Variants in NFIA observed in about 807,000 individuals in gnomAD.
NFIA encodes the protein nuclear factor 1 A-type.
A neutral mutation model predicts 62.8 loss-of-function variants in NFIA; 8 were observed. That is an observed-to-expected ratio of 0.13 (90% CI 0.07 to 0.23). The LOEUF is 0.23. NFIA is among the 10% of genes least tolerant of loss of function. The pLI is 1.00. For synonymous variants in NFIA, 235 were observed against 238.1 expected (o/e 0.99, Z 0.12); for missense variants, 410 against 642.1 (o/e 0.64, Z 3.91).
chr1:61,455,492 C>A lies in NFIA; in HGVS notation c.*172C>A. ...AACAGCAAGCATTATGGTCAAACAG[C>A]AAAGGCCATAACCTTTTGGGATTTT... On this transcript the variant is annotated 3_prime_UTR_variant, in exon 11 of 11. Transcript: ENST00000403491. The A allele has an allele frequency of 1.9e-6, 2 of 1,025,770 alleles. No individual in the cohort carries two copies. Among genetic ancestry groups the A allele is most frequent in the Admixed American group, 2.4e-5 (1 of 41,300 alleles). 63.5% of individuals were successfully genotyped at this position (1,025,770 alleles called of 1,614,324 possible). A position where few individuals can be genotyped will look rare whatever the true frequency, so the allele number is the denominator to read the frequency against.
chr1:61,134,622 T>C (rs1647148631), intron 2 of NFIA, among the ~76,000 whole-genome samples: 1 of 152,240 alleles, frequency 6.6e-6, no homozygotes, highest in South Asian at 2.1e-4. Flanking sequence ...TATTTATTAG[T>C]TGTTATTATG....
At position 61,432,219 on chromosome 1, in the gene NFIA, A is replaced by ATTT. The variant is rs10719480; in HGVS notation, c.1512+5678_1512+5680dup. ...ATATGGTTCTTGTACACTTTTCCCT[A>ATTT]TTTTTTTTTTTTTTTTTGCCAATCA... On this transcript the variant is annotated intron_variant, in intron 10 of 10. Coordinates refer to ENST00000403491, the MANE Select transcript of NFIA (RefSeq NM_001134673.4). 7.8e-5 allele frequency among the ~76,000 whole-genome samples: 10 copies of ATTT among 129,020 alleles called. No homozygotes were observed. The East Asian group carries it at 9.1e-4, about 12-fold the overall frequency. The allele number at this position is 129,020 out of a possible 152,430, so 84.6% of individuals were successfully genotyped here.
chr1:61,359,400 CT>C (rs1197748046), intron 6 of NFIA, 126 bp downstream of exon 6: 1 of 1,363,188 alleles, frequency 7.3e-7, no homozygotes, highest in Admixed American at 2.2e-5. Flanking sequence ...AGGATGAGCA[CT>C]TGTTTGTATT....
chr1:61,428,498 A>G (rs956004774), intron 10 of NFIA, among the ~76,000 whole-genome samples: 1 of 151,698 alleles, frequency 6.6e-6, no homozygotes, highest in African/African-American at 2.4e-5. Context: ...GTCATTCCCA[A>G]TTGTCTAATG....
intron 4 of NFIA, 72 bp from the exon 5 acceptor site, chr1:61,352,378 C>A: frequency 9.7e-7 from 1 of 1,033,708 alleles, no homozygotes; most frequent in Non-Finnish European, 1.5e-6. Context: ...CTAAATGCAA[C>A]ACTGAGGATG....
At chr1:61,241,781 C>T (rs1235879835) in intron 2 of NFIA, among the ~76,000 whole-genome samples, 6 of 152,038 alleles carry the variant, frequency 3.9e-5, no homozygotes, top group Non-Finnish European at 8.8e-5. Context: ...GTAGTCACCA[C>T]GTACTACTTG....
chr1:61,377,759 G>A (rs952627739), intron 6 of NFIA, among the ~76,000 whole-genome samples: 6 of 152,100 alleles, frequency 3.9e-5, no homozygotes, highest in Non-Finnish European at 8.8e-5. Context: ...AAACTCCTGC[G>A]ACAGACAAGA....
chr1:61,445,878 A>AC (rs1198704530), intron 10 of NFIA, among the ~76,000 whole-genome samples: 6 of 152,196 alleles, frequency 3.9e-5, no homozygotes, highest in Non-Finnish European at 5.9e-5. Context: ...CAGAAAAGTT[A>AC]AAGTTGGACC....
intron 9 of NFIA, among the ~76,000 whole-genome samples, chr1:61,413,537 A>G (rs1161265599): frequency 1.3e-5 from 2 of 151,694 alleles, no homozygotes; most frequent in East Asian, 1.9e-4. Context: ...ATTACAAACA[A>G]TGTCACTAGA....
intron 5 of NFIA, among the ~76,000 whole-genome samples, chr1:61,358,021 A>C (rs75284695): frequency 6.8e-6 from 1 of 147,970 alleles, no homozygotes; most frequent in Non-Finnish European, 1.5e-5. Flanking sequence ...CAGTCCTTCA[A>C]CTGGAAAAAA....
chr1:61,211,403 A>T (rs1653248156), intron 2 of NFIA, among the ~76,000 whole-genome samples: 3 of 152,170 alleles, frequency 2.0e-5, no homozygotes. Flanking sequence ...AGTAATGATA[A>T]TATTTAAGTA....
At chr1:61,171,713 G>T (rs1455162778) in intron 2 of NFIA, among the ~76,000 whole-genome samples, 1 of 152,166 alleles carries the variant, frequency 6.6e-6, no homozygotes, top group Admixed American at 6.5e-5. Context: ...ACCTGTGTGG[G>T]TGTGGATGTG....
intron 7 of NFIA, among the ~76,000 whole-genome samples, chr1:61,398,864 G>A (rs941162035): frequency 6.6e-6 from 1 of 152,152 alleles, no homozygotes; most frequent in African/African-American, 2.4e-5. Flanking sequence ...AGCTTTAGGT[G>A]GGGTATAATG....
In NFIA at chr1:61,164,777, T is replaced by C. The variant is rs1649459276; in HGVS notation, c.559+76097T>C. On this transcript the variant is annotated intron_variant, in intron 2 of 10. Transcript: ENST00000403491. Reference sequence around the variant, plus strand: ...GTCCAGCCAAATGTCTCAAGCTTTCTAGCCTCTACAGTGGGAGATGGTGAA... The same window carrying C: ...GTCCAGCCAAATGTCTCAAGCTTTCCAGCCTCTACAGTGGGAGATGGTGAA... 3.3e-5 allele frequency among the ~76,000 whole-genome samples: 5 copies of C among 152,094 alleles called. No homozygotes were observed. The South Asian group carries it at 1.0e-3, about 32-fold the overall frequency.
In NFIA at chr1:61,383,245, T is replaced by C. The variant is rs1388281280; in HGVS notation, c.955T>C (p.Ser319Pro). 6.2e-7 allele frequency: 1 copy of C among 1,613,902 alleles called. No individual in the cohort carries two copies. The highest frequency in any genetic ancestry group is 1.3e-5 in the African/African-American group (1 of 74,920). Residue 319 changes from serine to proline, a missense_variant, in exon 7 of 11, where the codon TCT becomes CCT. Transcript: ENST00000403491. ...GWHEVEPGMP[S>P]PTTLKKSEKS... is the part of the protein sequence containing the mutation. ...TTGATCCTTCTTGCCAGGAATGCCATCTCCAACCACACTGAAGAAGTCGGA... is the reference window on the plus strand; with the variant it reads ...TTGATCCTTCTTGCCAGGAATGCCACCTCCAACCACACTGAAGAAGTCGGA...
chr1:61,372,576 TAA>T (rs71244589), intron 6 of NFIA, among the ~76,000 whole-genome samples: 33 of 139,876 alleles, frequency 2.4e-4, no homozygotes, highest in South Asian at 1.1e-3. Context: ...TCATTGTTGT[TAA>T]AAAAAAAAAA....
chr1:61,242,330 T>C (rs1655397191), intron 2 of NFIA, among the ~76,000 whole-genome samples: 1 of 152,124 alleles, frequency 6.6e-6, no homozygotes, highest in African/African-American at 2.4e-5. Flanking sequence ...GCTGGCATGT[T>C]GGTTCATTGT....
intron 9 of NFIA, among the ~76,000 whole-genome samples, chr1:61,421,596 C>T (rs2024788): frequency 0.25 from 38,524 of 152,078 alleles, 5,836 homozygotes; most frequent in East Asian, 0.5. Flanking sequence ...TCAAAGCTCA[C>T]CCTGCCGTAT....
intron 4 of NFIA, among the ~76,000 whole-genome samples, chr1:61,338,430 C>T (rs1174815731): frequency 1.3e-5 from 2 of 152,178 alleles, no homozygotes; most frequent in South Asian, 2.1e-4. Flanking sequence ...TAGAAATGTG[C>T]GCTCTTTCTA....
Sources: gnomAD v4.1 joint callset for allele counts (sites outside exome capture counted in the v4.1 genomes callset) on GRCh38, gnomAD v4.1.1 for gene constraint, MANE v1.5 for transcripts, NCBI Gene and HGNC (gene_info 2026-07-23, HGNC 2026-07-21) for gene names.